Variants in KAZN observed in about 807,000 individuals in gnomAD.
KAZN encodes the protein kazrin.
KAZN carries 40 observed loss-of-function variants against 87.4 expected under a neutral mutation model. The observed-to-expected ratio is 0.46, with a 90% CI of 0.36 to 0.60. KAZN has a LOEUF of 0.60. Ranked by LOEUF, KAZN falls within the 20% of genes least tolerant of loss-of-function variation. The pLI, the probability that KAZN is intolerant of heterozygous loss-of-function variation, is 0.00. For missense variants in KAZN, 898 were observed against 1,073.9 expected, an observed-to-expected ratio of 0.84 and a Z score of 2.29; for synonymous variants, 466 against 458.3, an observed-to-expected ratio of 1.02 and a Z score of -0.22.
chr1:13,926,049 T>C (rs1302519321), intron 1 of KAZN, among the ~76,000 whole-genome samples: 7 of 152,278 alleles, frequency 4.6e-5, no homozygotes, highest in Middle Eastern at 3.4e-3. Flanking sequence ...TTGGTTTTGA[T>C]AATGGTTTCT....
At chr1:14,006,200 A>T (rs1426182236) in intron 1 of KAZN, among the ~76,000 whole-genome samples, 8 of 152,040 alleles carry the variant, frequency 5.3e-5, no homozygotes, top group Non-Finnish European at 1.2e-4. Context: ...CTGTGCTTTG[A>T]TGTACTGGTT....
intron 5 of KAZN, among the ~76,000 whole-genome samples, chr1:15,058,793 G>T (rs1638527201): frequency 6.6e-6 from 1 of 152,132 alleles, no homozygotes; most frequent in Non-Finnish European, 1.5e-5. Context: ...GGCTGAGGTG[G>T]ACAGATCACG....
At chr1:14,344,089 C>A (rs1299807546) in intron 2 of KAZN, among the ~76,000 whole-genome samples, 2 of 151,958 alleles carry the variant, frequency 1.3e-5, no homozygotes, top group African/African-American at 4.8e-5. Context: ...TGCCATGCTC[C>A]AAGATCTTGT....
At chr1:14,408,223 A>G (rs533265761) in intron 2 of KAZN, among the ~76,000 whole-genome samples, 8 of 152,350 alleles carry the variant, frequency 5.3e-5, no homozygotes, top group East Asian at 1.9e-4. Flanking sequence ...TATGCATGAG[A>G]AGGAGGAAAG....
At chr1:14,801,170 G>A (rs551109616) in intron 1 of KAZN, among the ~76,000 whole-genome samples, 3 of 152,158 alleles carry the variant, frequency 2.0e-5, no homozygotes, top group South Asian at 2.1e-4. Context: ...GGGGCTTTCC[G>A]GCAGCTGCCC....
chr1:14,491,410 G>A (rs774088603), intron 2 of KAZN, among the ~76,000 whole-genome samples: 2 of 152,020 alleles, frequency 1.3e-5, no homozygotes, highest in East Asian at 1.9e-4. Flanking sequence ...CCATCAATCC[G>A]TCGTCTACAT....
chr1:14,957,302 G>A (rs1303652823), intron 1 of KAZN, among the ~76,000 whole-genome samples: 3 of 152,324 alleles, frequency 2.0e-5, no homozygotes, highest in Non-Finnish European at 2.9e-5. Context: ...TGAGAGTGGG[G>A]CCTGTCTGGG....
intron 2 of KAZN, among the ~76,000 whole-genome samples, chr1:14,429,304 A>G (rs1665913475): frequency 6.6e-6 from 1 of 152,180 alleles, no homozygotes; most frequent in East Asian, 1.9e-4. Flanking sequence ...TGAGGGCCCT[A>G]TTGGCAAAAA....
intron 2 of KAZN, among the ~76,000 whole-genome samples, chr1:14,586,737 G>A (rs1675875996): frequency 6.6e-6 from 1 of 151,786 alleles, no homozygotes; most frequent in African/African-American, 2.4e-5. Context: ...ATAGGGTCTC[G>A]CTTTGTTGCC....
chr1:14,256,702 G>C (rs2100635567), intron 2 of KAZN, among the ~76,000 whole-genome samples: 1 of 152,276 alleles, frequency 6.6e-6, no homozygotes, highest in African/African-American at 2.4e-5. Flanking sequence ...TCTGTCATAT[G>C]TAAGGGGCAA....
At chr1:14,051,176 A>G (rs1263670774) in intron 1 of KAZN, among the ~76,000 whole-genome samples, 1 of 152,220 alleles carries the variant, frequency 6.6e-6, no homozygotes, top group Non-Finnish European at 1.5e-5. Flanking sequence ...AACTGACTTC[A>G]AAATATTCTT....
At chr1:14,297,892 C>G (rs1439435816) in intron 2 of KAZN, among the ~76,000 whole-genome samples, 2 of 152,134 alleles carry the variant, frequency 1.3e-5, no homozygotes, top group Non-Finnish European at 2.9e-5. Flanking sequence ...CCCTGGATGG[C>G]AGATTCAAAT....
intron 2 of KAZN, among the ~76,000 whole-genome samples, chr1:14,968,711 G>C (rs549974896): frequency 6.6e-6 from 1 of 152,332 alleles, no homozygotes; most frequent in East Asian, 1.9e-4. Flanking sequence ...TTACTGGAAG[G>C]ACTAAGGCCT....
chr1:14,466,992 A>G (rs1668194804), intron 2 of KAZN, among the ~76,000 whole-genome samples: 1 of 152,234 alleles, frequency 6.6e-6, no homozygotes, highest in Admixed American at 6.5e-5. Context: ...TTAAATAAAT[A>G]AACCGAAGAA....
intron 1 of KAZN, among the ~76,000 whole-genome samples, chr1:14,805,115 G>T (rs927888829): frequency 1.7e-4 from 26 of 152,168 alleles, no homozygotes; most frequent in African/African-American, 6.3e-4. Flanking sequence ...ACTAGTCGGG[G>T]TATAGGTGAA....
At chr1:14,689,978 G>T (rs1301621548) in intron 1 of KAZN, among the ~76,000 whole-genome samples, 1 of 152,210 alleles carries the variant, frequency 6.6e-6, no homozygotes, top group Non-Finnish European at 1.5e-5. Flanking sequence ...CATCTTCTCT[G>T]TGGGAATCAG....
chr1:15,050,159 GGAATAGAATA>G (rs1553180847), intron 4 of KAZN, among the ~76,000 whole-genome samples: 4,289 of 131,242 alleles, frequency 0.033, 92 homozygotes, highest in Middle Eastern at 0.082. Context: ...AGAATAGAAT[GGAATAGAATA>G]GAATAGAATA....
intron 2 of KAZN, among the ~76,000 whole-genome samples, chr1:14,532,571 A>T (rs1241059621): frequency 6.7e-6 from 1 of 149,280 alleles, no homozygotes; most frequent in Non-Finnish European, 1.5e-5. Context: ...TGCACCCATT[A>T]ACTGGTCATT....
At chr1:14,547,363 G>A (rs557154106) in intron 2 of KAZN, among the ~76,000 whole-genome samples, 14 of 152,242 alleles carry the variant, frequency 9.2e-5, no homozygotes, top group African/African-American at 3.4e-4. Context: ...GGTAAGGCCT[G>A]AATTCTAGTC....
Sources: allele counts gnomAD v4.1 joint callset (sites outside exome capture counted in the v4.1 genomes callset), GRCh38; gene constraint gnomAD v4.1.1; transcripts MANE v1.5; gene names NCBI Gene and HGNC (gene_info 2026-07-23, HGNC 2026-07-21).